Variants in SAMSN1 observed in about 807,000 individuals in gnomAD.
The protein encoded by SAMSN1 is SAM domain, SH3 domain and nuclear localization signals 1.
In SAMSN1, 31 loss-of-function variants were observed where a neutral mutation model predicts 42.0. The observed-to-expected ratio is 0.74, with a 90% CI of 0.55 to 1.00. The LOEUF (loss-of-function observed/expected upper bound fraction) is 1.00, where lower values mean the gene tolerates loss of function less well. Among genes scored for constraint, SAMSN1 ranks in the 50% least tolerant of loss-of-function variants. The pLI is 0.00. For synonymous variants in SAMSN1, 178 were observed against 151.9 expected (o/e 1.17, Z -1.26); for missense variants, 464 against 439.4 (o/e 1.06, Z -0.50).
At position 14,582,383 on chromosome 21, in the gene SAMSN1, A is replaced by T; in HGVS notation, c.14T>A (p.Leu5Ter). ...ACCCAGTGATGCAGAAAGAGTATCC[A>T]ATCTAATCTCCATTTCTTCCTTCCT... The change falls in exon 2 of 9, where the codon TTG (leucine) becomes TAG (stop). Residue 5 changes from leucine (L) to a stop codon, truncating the protein, a stop_gained. Coordinates refer to the SAMSN1 transcript ENST00000285670. LOFTEE classifies it high-confidence loss of function. The T allele has an allele frequency of 1.3e-6, 2 of 1,550,290 alleles. No homozygotes were observed. The highest frequency in any genetic ancestry group is 1.7e-6 in the Non-Finnish European group (2 of 1,146,686).
chr21:14,571,398 C>T (rs949886373), intron 2 of SAMSN1, among the ~76,000 whole-genome samples: 3 of 152,124 alleles, frequency 2.0e-5, no homozygotes, highest in African/African-American at 7.2e-5. Flanking sequence ...GCAATAAAGC[C>T]ATATTTCTAA....
intron 2 of SAMSN1, among the ~76,000 whole-genome samples, chr21:14,577,284 A>ATATATATATATTT (rs1460040142): frequency 3.7e-5 from 2 of 53,862 alleles, no homozygotes; most frequent in South Asian, 6.3e-4. Context: ...ATATATATAT[A>ATATATATATATTT]TTTTTTTTTT....
At chr21:14,583,171 A>G (rs1981807352) in intron 1 of SAMSN1, 1 of 152,600 alleles carries the variant, frequency 6.6e-6, no homozygotes, top group South Asian at 2.1e-4. Flanking sequence ...AGAAAATAGA[A>G]ATATATATCA....
intron 1 of SAMSN1, among the ~76,000 whole-genome samples, chr21:14,525,659 A>G (rs1466212996): frequency 2.0e-5 from 3 of 152,204 alleles, no homozygotes; most frequent in Non-Finnish European, 4.4e-5. Flanking sequence ...AGCGAGGAGC[A>G]GCAAATGTGC....
chr21:14,620,914 T>G (rs1256806998), intron 2 of SAMSN1, among the ~76,000 whole-genome samples: 1 of 152,242 alleles, frequency 6.6e-6, no homozygotes, highest in Non-Finnish European at 1.5e-5. Flanking sequence ...CTAATTCAAT[T>G]TCTATTTTGT....
intron 1 of SAMSN1, among the ~76,000 whole-genome samples, chr21:14,545,290 A>G (rs937916582): frequency 1.3e-5 from 2 of 152,140 alleles, no homozygotes; most frequent in African/African-American, 4.8e-5. Context: ...GAAATAAACC[A>G]ATCTCTTTCT....
intron 1 of SAMSN1, among the ~76,000 whole-genome samples, chr21:14,539,012 C>T (rs530325234): frequency 6.6e-6 from 1 of 152,330 alleles, no homozygotes; most frequent in South Asian, 2.1e-4. Flanking sequence ...GTTCTAATTA[C>T]AGTCACTAAC....
chr21:14,593,055 T>A (rs1416695427), intron 7 of SAMSN1, among the ~76,000 whole-genome samples: 1 of 152,112 alleles, frequency 6.6e-6, no homozygotes, highest in Non-Finnish European at 1.5e-5. Context: ...TTCCATCACC[T>A]CTTCCTCCTA....
chr21:14,658,921 A>T (rs553798892), upstream of SAMSN1: 1 of 618,680 alleles, frequency 1.6e-6, no homozygotes, highest in South Asian at 1.9e-5. Context: ...TTCAGAGACC[A>T]TTATCAAATA....
chr21:14,594,178 A>G lies in SAMSN1; in HGVS notation c.400-100T>C, dbSNP rs1240386881. 3 of 606,026 alleles carry G rather than the reference A, an allele frequency of 5.0e-6. No homozygotes were observed. The African/African-American group carries it at 5.6e-5, about 11-fold the overall frequency. 37.5% of individuals were successfully genotyped at this position (606,026 alleles called of 1,614,324 possible). A position where few individuals can be genotyped will look rare whatever the true frequency, so the allele number is the denominator to read the frequency against. On this transcript the variant is annotated intron_variant, in intron 6 of 15. Coordinates refer to the SAMSN1 transcript ENST00000647101. ...AAGCTACCAAACTAATTGGGAAAGG[A>G]TTCGCTGTCTTAATTAGAAATAATT...
At chr21:14,629,181 T>A (rs1161951853) in intron 2 of SAMSN1, among the ~76,000 whole-genome samples, 1 of 152,156 alleles carries the variant, frequency 6.6e-6, no homozygotes, top group Non-Finnish European at 1.5e-5. Flanking sequence ...CACTACTAAA[T>A]AACTCAGAAA....
chr21:14,533,116 C>T (rs1287607375), intron 1 of SAMSN1, among the ~76,000 whole-genome samples: 1 of 151,982 alleles, frequency 6.6e-6, no homozygotes, highest in Non-Finnish European at 1.5e-5. Flanking sequence ...GACAAAGTCT[C>T]ACTATGTTGC....
In SAMSN1 at chr21:14,567,907, A is replaced by G. The variant is rs1345201394; in HGVS notation, c.261+14229T>C. Among the ~76,000 whole-genome samples the G allele has an allele frequency of 3.9e-5, 6 of 152,254 alleles. No homozygotes were observed. In the East Asian group the frequency reaches 1.2e-3, roughly 29 times the overall value. On this transcript the variant is annotated intron_variant, in intron 2 of 8. Transcript: ENST00000285670. ...TTAATAACTTGTGAAAATAATATACATATGAGAGATTCTCAAAAAGACTTC... is the reference window on the plus strand; with the variant it reads ...TTAATAACTTGTGAAAATAATATACGTATGAGAGATTCTCAAAAAGACTTC...
chr21:14,549,110 A>T (rs1980519130), upstream of SAMSN1, among the ~76,000 whole-genome samples: 1 of 152,198 alleles, frequency 6.6e-6, no homozygotes, highest in Non-Finnish European at 1.5e-5. Flanking sequence ...TTTTTCGGGA[A>T]AGTAAGGTGA....
chr21:14,563,697 G>A (rs1296290074), intron 2 of SAMSN1, among the ~76,000 whole-genome samples: 4 of 152,226 alleles, frequency 2.6e-5, no homozygotes, highest in East Asian at 1.9e-4. Context: ...CCTATACTTC[G>A]TGATTCATAC....
rs114296638 is a variant in SAMSN1 at position 14,519,101 on chromosome 21, A to G, written c.129+2049T>C. 1.2e-3 allele frequency among the ~76,000 whole-genome samples: 183 copies of G among 152,166 alleles called. 1 individual carries two copies. The highest frequency in any genetic ancestry group is 4.1e-3 in the African/African-American group (171 of 41,534). On this transcript the variant is annotated intron_variant, in intron 2 of 7. Coordinates refer to ENST00000400566, the MANE Select transcript of SAMSN1 (RefSeq NM_022136.5). The stretch of plus-strand genomic sequence containing the variant: ...TCTCCATAGCCTGAATTAAATTTCT[A>G]TTTAAATATTACTTATGGTTTTGTT...
At position 14,498,350 on chromosome 21, in the gene SAMSN1, A is replaced by C. The variant is rs925907840; in HGVS notation, c.919+92T>G. ...TGGGAAAGCGTGCTTTCATGATCTC[A>C]GTAAATAAAACTGGGGCTTTGTTTC... On this transcript the variant is annotated intron_variant, in intron 7 of 7. Coordinates refer to ENST00000400566, the MANE Select transcript of SAMSN1 (RefSeq NM_022136.5). 30 of 1,089,270 alleles carry C rather than the reference A, an allele frequency of 2.8e-5. 1 individual carries two copies. In the South Asian group the frequency reaches 4.6e-4, roughly 17 times the overall value. The allele number at this position is 1,089,270 out of a possible 1,614,324, so 67.5% of individuals were successfully genotyped here.
At position 14,641,155 on chromosome 21, in the gene SAMSN1, A is replaced by G. The variant is rs1983589230; in HGVS notation, c.156+1847T>C. 5.9e-5 allele frequency among the ~76,000 whole-genome samples: 9 copies of G among 152,166 alleles called. No homozygotes were observed. In the South Asian group the frequency reaches 1.7e-3, roughly 28 times the overall value. On this transcript the variant is annotated intron_variant, in intron 2 of 15. Coordinates refer to the SAMSN1 transcript ENST00000647101. ...AATGGTTTATATCTCTCACACTAAT[A>G]TGTGCAAAATATTATTGCCCCCTCT...
intron 5 of SAMSN1, among the ~76,000 whole-genome samples, chr21:14,507,676 C>T (rs1568773781): frequency 6.6e-6 from 1 of 152,138 alleles, no homozygotes; most frequent in Non-Finnish European, 1.5e-5. Context: ...CACCATCGTT[C>T]TTCACAGAAT....
Sources: allele counts gnomAD v4.1 joint callset (sites outside exome capture counted in the v4.1 genomes callset), GRCh38; gene constraint gnomAD v4.1.1; transcripts MANE v1.5; gene names NCBI Gene and HGNC (gene_info 2026-07-23, HGNC 2026-07-21).